INPP5F: variants seen among roughly 807,000 people sequenced by gnomAD.
The protein encoded by INPP5F is inositol polyphosphate-5-phosphatase F, also known as phosphatidylinositide 4-phosphatase SAC2.
Under a neutral mutation model 137.2 loss-of-function variants are expected in INPP5F, and 97 were observed. The ratio of observed to expected loss-of-function variants is 0.71; its 90% CI spans 0.60 to 0.84. INPP5F has a LOEUF of 0.84. INPP5F is among the 40% of genes least tolerant of loss of function. The pLI is 0.00. For missense variants in INPP5F, 1,271 were observed against 1,371.9 expected, an observed-to-expected ratio of 0.93 and a Z score of 1.16; for synonymous variants, 504 against 476.9, an observed-to-expected ratio of 1.06 and a Z score of -0.74.
intron 15 of INPP5F, among the ~76,000 whole-genome samples, chr10:119,813,018 G>T (rs1171968682): frequency 6.6e-6 from 1 of 152,050 alleles, no homozygotes; most frequent in African/African-American, 2.4e-5. Flanking sequence ...ATTTTTAAGA[G>T]GGTATCAATA....
At chr10:119,732,092 T>C (rs1848088952) in intron 1 of INPP5F, among the ~76,000 whole-genome samples, 2 of 147,908 alleles carry the variant, frequency 1.4e-5, no homozygotes, top group Non-Finnish European at 3.0e-5. Flanking sequence ...TGTGGTGGCA[T>C]GATCTTGGCC....
At chr10:119,825,617 AT>A (rs1694865019) in intron 19 of INPP5F, among the ~76,000 whole-genome samples, 1 of 152,168 alleles carries the variant, frequency 6.6e-6, no homozygotes, top group South Asian at 2.1e-4. Context: ...AAACATTGAA[AT>A]TTTTTCTAAA....
chr10:119,745,501 A>G (rs1476631263), intron 1 of INPP5F, among the ~76,000 whole-genome samples: 2 of 151,824 alleles, frequency 1.3e-5, no homozygotes, highest in South Asian at 2.1e-4. Context: ...TGGTACTTAC[A>G]TACATCTATG....
intron 6 of INPP5F, among the ~76,000 whole-genome samples, chr10:119,795,020 C>T (rs1464898220): frequency 2.0e-4 from 24 of 121,354 alleles, no homozygotes; most frequent in African/African-American, 5.1e-4. Flanking sequence ...GCTGGCCGGG[C>T]GGGGGGCTGA....
intron 2 of INPP5F, among the ~76,000 whole-genome samples, chr10:119,762,746 G>T (rs1283805499): frequency 6.6e-6 from 1 of 152,026 alleles, no homozygotes; most frequent in African/African-American, 2.4e-5. Flanking sequence ...GTATCTATAG[G>T]GGGTTCTAGA....
At chr10:119,798,200 ATTC>A (rs990289662) in intron 8 of INPP5F, among the ~76,000 whole-genome samples, 16 of 152,130 alleles carry the variant, frequency 1.1e-4, no homozygotes, top group African/African-American at 3.4e-4. Flanking sequence ...CTTAGTTGGT[ATTC>A]TTTGTGAGAA....
In INPP5F at chr10:119,822,961, G is replaced by A. The variant is rs564623462; in HGVS notation, c.2033-110G>A. ...AATGGTCACCAGAAGTTTGTATTTT[G>A]TGTGCTGTCATTTATATTATGAAGA... is the stretch of plus-strand genomic sequence containing the variant. On this transcript the variant is annotated intron_variant, in intron 17 of 19. Transcript: ENST00000650623. The A allele has an allele frequency of 1.6e-5, 17 of 1,056,336 alleles. No homozygotes were observed. In the African/African-American group the frequency reaches 2.6e-4, roughly 16 times the overall value. The allele number at this position is 1,056,336 out of a possible 1,614,324, so 65.4% of individuals were successfully genotyped here. A position where few individuals can be genotyped will look rare whatever the true frequency, so the allele number is the denominator to read the frequency against.
rs142461541 is a variant in INPP5F at position 119,786,170 on chromosome 10, G to A, written c.315+4399G>A. 1.3e-3 allele frequency among the ~76,000 whole-genome samples: 201 copies of A among 152,188 alleles called. 2 individuals are homozygous for A. Among genetic ancestry groups the A allele is most frequent in the African/African-American group, 4.1e-3 (172 of 41,532 alleles). On this transcript the variant is annotated intron_variant, in intron 3 of 19. Coordinates refer to ENST00000650623, the MANE Select transcript of INPP5F (RefSeq NM_014937.4). ...AGCAGCAACATCAACCCTTAGTCTC[G>A]GTCACAAGATGTAAGTTGCAAGCGT...
chr10:119,774,869 A>G (rs1006940039), intron 2 of INPP5F, among the ~76,000 whole-genome samples: 2 of 152,152 alleles, frequency 1.3e-5, no homozygotes, highest in African/African-American at 2.4e-5. Context: ...TTAACCTTTT[A>G]TATTACATCT....
chr10:119,782,183 A>T (rs1423344709), intron 3 of INPP5F, among the ~76,000 whole-genome samples: 1 of 152,228 alleles, frequency 6.6e-6, no homozygotes, highest in Non-Finnish European at 1.5e-5. Context: ...TTCTAAGCAT[A>T]TATTACTCTA....
chr10:119,752,453 C>T (rs575894396), intron 2 of INPP5F, among the ~76,000 whole-genome samples: 24 of 152,104 alleles, frequency 1.6e-4, no homozygotes, highest in Admixed American at 2.6e-4. Flanking sequence ...GGCATGGTGG[C>T]GCATGCCTGT....
intron 12 of INPP5F, among the ~76,000 whole-genome samples, chr10:119,807,467 TA>T (rs1168697615): frequency 6.6e-6 from 1 of 152,142 alleles, no homozygotes. Context: ...TCATAATTTG[TA>T]AAATGTAGGT....
intron 1 of INPP5F, among the ~76,000 whole-genome samples, chr10:119,727,901 A>G (rs530269661): frequency 6.6e-6 from 1 of 152,324 alleles, no homozygotes; most frequent in East Asian, 1.9e-4. Flanking sequence ...AGATTTCAAA[A>G]TTCCTAGGTT....
At chr10:119,796,188 G>A (rs1199431292) in intron 6 of INPP5F, among the ~76,000 whole-genome samples, 3 of 152,140 alleles carry the variant, frequency 2.0e-5, no homozygotes, top group Non-Finnish European at 4.4e-5. Flanking sequence ...TTAGATTTTA[G>A]CTTCAGGAAT....
Position 119,733,943 on chromosome 10 carries a change from C to T in INPP5F, c.97+7584C>T, listed in dbSNP as rs190321573. 2.0e-5 allele frequency among the ~76,000 whole-genome samples: 3 copies of T among 152,170 alleles called. No individual in the cohort carries two copies. The East Asian group carries it at 5.8e-4, about 29-fold the overall frequency. On this transcript the variant is annotated intron_variant, in intron 1 of 19. Coordinates refer to ENST00000650623, the MANE Select transcript of INPP5F (RefSeq NM_014937.4). ...TTGTACTGAATGAATTGAAATAATT[C>T]TAGTCCCTGGTCTACCTTCTATAGT...
At chr10:119,741,922 G>A (rs1824906158) in intron 1 of INPP5F, among the ~76,000 whole-genome samples, 2 of 152,024 alleles carry the variant, frequency 1.3e-5, no homozygotes, top group Admixed American at 1.3e-4. Context: ...CCAGGTTCAA[G>A]TGATTCTCCC....
chr10:119,762,487 G>A (rs1016979928), intron 2 of INPP5F, among the ~76,000 whole-genome samples: 2 of 152,068 alleles, frequency 1.3e-5, no homozygotes, highest in African/African-American at 2.4e-5. Context: ...ACCATAATAT[G>A]GGGGATTAGG....
chr10:119,726,627 G>A (rs571121274), intron 1 of INPP5F, among the ~76,000 whole-genome samples: 6 of 152,386 alleles, frequency 3.9e-5, no homozygotes, highest in Admixed American at 2.6e-4. Context: ...CCGCCCTTGG[G>A]GCTTGGGGCC....
Position 119,726,260 on chromosome 10 carries a change from A to G in INPP5F, c.-3A>G, listed in dbSNP as rs1179718102. 4.1e-6 allele frequency: 6 copies of G among 1,465,890 alleles called. No homozygotes were observed. In the East Asian group the frequency reaches 1.5e-4, roughly 38 times the overall value. 90.8% of individuals were successfully genotyped at this position (1,465,890 alleles called of 1,614,324 possible). On this transcript the variant is annotated 5_prime_UTR_variant, in exon 1 of 20. Coordinates refer to ENST00000650623, the MANE Select transcript of INPP5F (RefSeq NM_014937.4). ...GCCGCCTCCCTGGGCGCGCGGGGCC[A>G]GCATGGAGCTCTTCCAAGCCAAGGA...
Sources: gnomAD v4.1 joint callset for allele counts (sites outside exome capture counted in the v4.1 genomes callset) on GRCh38, gnomAD v4.1.1 for gene constraint, MANE v1.5 for transcripts, NCBI Gene and HGNC (gene_info 2026-07-23, HGNC 2026-07-21) for gene names.